The following LRP2 variants were observed in gnomAD, a reference collection of about 807,000 sequenced individuals.
The protein encoded by LRP2 is low-density lipoprotein receptor-related protein 2.
In LRP2, 172 loss-of-function variants were observed where a neutral mutation model predicts 531.0. The ratio of observed to expected loss-of-function variants is 0.32; its 90% confidence interval spans 0.29 to 0.37. LRP2 has a LOEUF of 0.37. Ranked by LOEUF, LRP2 falls within the 10% of genes least tolerant of loss-of-function variation. LRP2 has a pLI of 1.00. For missense variants in LRP2, 5,167 were observed against 5,868.3 expected (o/e 0.88, Z 3.90); for synonymous variants, 1,992 against 2,027.6 (o/e 0.98, Z 0.47).
intron 63 of LRP2, 34 bp downstream of exon 63, chr2:169,162,438 C>T: frequency 6.2e-7 from 1 of 1,612,720 alleles, no homozygotes; most frequent in Non-Finnish European, 8.5e-7. Flanking sequence ...ACCTGAGTTA[C>T]TACAATGAAC....
intron 16 of LRP2, among the ~76,000 whole-genome samples, chr2:169,260,474 T>A (rs533026973): frequency 4.5e-4 from 68 of 152,172 alleles, no homozygotes; most frequent in Admixed American, 1.1e-3. Context: ...GGGTGAGTGG[T>A]CATGCCCTTC....
At chr2:169,237,520 T>G (rs977607564) in intron 27 of LRP2, among the ~76,000 whole-genome samples, 2 of 152,230 alleles carry the variant, frequency 1.3e-5, no homozygotes, top group Admixed American at 1.3e-4. Context: ...ATTGTTTGGT[T>G]AGTGCATAGT....
At chr2:169,302,336 C>G (rs1684304697) in intron 4 of LRP2, among the ~76,000 whole-genome samples, 1 of 152,128 alleles carries the variant, frequency 6.6e-6, no homozygotes, top group South Asian at 2.1e-4. Context: ...TCCTGTGTCT[C>G]CTAATGAAAA....
At position 169,271,018 on chromosome 2, in the gene LRP2, C is replaced by T. The variant is rs1230847039; in HGVS notation, c.2206G>A (p.Val736Ile). Residue 736 changes from valine to isoleucine, a missense_variant, in exon 16 of 79, where the codon GTT becomes ATT. By Grantham distance (29) the Val-to-Ile change is conservative. Around this residue, in one of 6 missense-constraint regions of LRP2, gnomAD observed 2,811 missense variants for 3,058.0 expected, o/e 0.92. Coordinates refer to ENST00000649046, the MANE Select transcript of LRP2 (RefSeq NM_004525.3). ...LSTQEDVMVP[V>I]SGNPSFFVGI... ...ACAAAGAAAGAAGGATTCCCCGAAACTGGAACCATGACATCTTCCTGGGTA... is the reference window on the plus strand; with the variant it reads ...ACAAAGAAAGAAGGATTCCCCGAAATTGGAACCATGACATCTTCCTGGGTA... 2 of 1,613,286 alleles carry T rather than the reference C, an allele frequency of 1.2e-6. No individual in the cohort carries two copies. The highest frequency in any genetic ancestry group is 1.7e-6 in the Non-Finnish European group (2 of 1,179,560).
chr2:169,308,688 T>C (rs1055676045), intron 3 of LRP2, among the ~76,000 whole-genome samples: 2 of 152,234 alleles, frequency 1.3e-5, no homozygotes, highest in African/African-American at 4.8e-5. Flanking sequence ...AACATATGTG[T>C]GCATGTGTCT....
chr2:169,212,112 C>T lies in LRP2; in HGVS notation c.6136G>A (p.Ala2046Thr). The T allele has an allele frequency of 3.1e-6, 5 of 1,614,024 alleles. No homozygotes were observed. Among genetic ancestry groups the T allele is most frequent in the Non-Finnish European group, 4.2e-6 (5 of 1,179,942 alleles). ...VPGGLFSCACATGFKLNPDNR... is the reference protein window; with the variant it reads ...VPGGLFSCACTTGFKLNPDNR... ...TCAGGATTGAGTTTAAATCCAGTGG[C>T]ACAGGCGCAGGAAAACAATCCTCCT... The change falls in exon 37 of 79, where the codon GCC (alanine) becomes ACC (threonine). Residue 2046 changes from alanine (A) to threonine (T), a missense_variant. By Grantham distance (58) the Ala-to-Thr change is moderately conservative. Coordinates refer to ENST00000649046, the MANE Select transcript of LRP2 (RefSeq NM_004525.3).
At chr2:169,223,687 T>C (rs1689096091) in intron 33 of LRP2, among the ~76,000 whole-genome samples, 1 of 152,306 alleles carries the variant, frequency 6.6e-6, no homozygotes, top group South Asian at 2.1e-4. Flanking sequence ...AGACATCTTC[T>C]TAGCTTCTGT....
intron 12 of LRP2, among the ~76,000 whole-genome samples, chr2:169,278,500 T>C (rs1683616372): frequency 6.6e-6 from 1 of 152,078 alleles, no homozygotes; most frequent in South Asian, 2.1e-4. Context: ...AAAAAATTCA[T>C]ATTCACCTTC....
chr2:169,176,407 T>C lies in LRP2; in HGVS notation c.10571+4A>G, dbSNP rs755936504. On this transcript the variant is annotated splice_donor_region_variant and intron_variant, in intron 54 of 78. Coordinates refer to ENST00000649046, the MANE Select transcript of LRP2 (RefSeq NM_004525.3). ...CACTGAGGAGAGGGGAAAGAGAGCC[T>C]TACTTTTCATTGTTAGCGCACAGGA... The C allele has an allele frequency of 6.2e-7, 1 of 1,614,166 alleles. No individual in the cohort carries two copies. Among genetic ancestry groups the C allele is most frequent in the Non-Finnish European group, 8.5e-7 (1 of 1,180,030 alleles).
chr2:169,146,920 G>A lies in LRP2; in HGVS notation c.12630C>T (p.Ile4210=), dbSNP rs765372455. The A allele has an allele frequency of 1.3e-5, 21 of 1,613,946 alleles. No homozygotes were observed. Among genetic ancestry groups the A allele is most frequent in the Non-Finnish European group, 1.4e-5 (17 of 1,179,948 alleles). ...FWTDWGKEPK[I]ESAWMNGEDR... Reference sequence around the variant, plus strand: ...CCTCTCCATTCATCCAGGCAGACTCGATTTTAGGTTCCTTTCCCCAGTCAG... The same window carrying A: ...CCTCTCCATTCATCCAGGCAGACTCAATTTTAGGTTCCTTTCCCCAGTCAG... Residue 4210 remains isoleucine, a synonymous_variant, in exon 69 of 79, where the codon ATC becomes ATT. Coordinates refer to ENST00000649046, the MANE Select transcript of LRP2 (RefSeq NM_004525.3).
chr2:169,294,847 T>C, intron 4 of LRP2, 137 bp from the exon 5 acceptor site: 1 of 642,610 alleles, frequency 1.6e-6, no homozygotes, highest in Non-Finnish European at 2.7e-6. Context: ...AAAAGAAGTA[T>C]GCTCCCTGGC....
At chr2:169,360,971 C>T (rs1033169437) in intron 1 of LRP2, among the ~76,000 whole-genome samples, 16 of 152,226 alleles carry the variant, frequency 1.1e-4, no homozygotes, top group Admixed American at 8.5e-4. Context: ...CCTCACTCCT[C>T]CGTAAATGGG....
At chr2:169,328,202 C>T (rs1370342681) in intron 1 of LRP2, among the ~76,000 whole-genome samples, 2 of 120,558 alleles carry the variant, frequency 1.7e-5, no homozygotes, top group South Asian at 2.7e-4. Context: ...GGGGTCAGCG[C>T]CCCGCCCGGC....
At chr2:169,137,033 T>C (rs565599673) in intron 76 of LRP2, among the ~76,000 whole-genome samples, 4 of 152,360 alleles carry the variant, frequency 2.6e-5, no homozygotes, top group South Asian at 2.1e-4. Context: ...TCTCCACTCA[T>C]TCATTTCACA....
intron 1 of LRP2, among the ~76,000 whole-genome samples, chr2:169,347,299 T>G (rs557313476): frequency 6.6e-6 from 1 of 152,332 alleles, no homozygotes; most frequent in East Asian, 1.9e-4. Context: ...TAGTGAGAGA[T>G]ACTTTGGGAC....
rs144184057 is a variant in LRP2, at chr2:169,280,362, G to T, written c.1329C>A (p.Thr443=). The change falls in exon 11 of 79, where the codon ACC becomes ACA. Residue 443 remains threonine (T), a synonymous_variant. Transcript: ENST00000649046. ...AATTTCTATTTACCTTATTTTGCAC[G>T]GTGTCTGTCCAAAAAACTCTTTGCA... is the stretch of plus-strand genomic sequence containing the variant. The part of the protein sequence containing the change: ...YHLQRVFWTD[T]VQNKVFSVDI... The T allele has an allele frequency of 6.2e-7, 1 of 1,613,984 alleles. No homozygotes were observed. The highest frequency in any genetic ancestry group is 8.5e-7 in the Non-Finnish European group (1 of 1,179,992).
chr2:169,162,658 C>T, intron 62 of LRP2, 58 bp from the exon 63 acceptor site: 1 of 1,539,146 alleles, frequency 6.5e-7, no homozygotes, highest in South Asian at 1.1e-5. Context: ...CAAGATACTT[C>T]CTTCTTTGAC....
At chr2:169,285,045 A>C (rs112348713) in intron 9 of LRP2, among the ~76,000 whole-genome samples, 6,941 of 152,120 alleles carry the variant, frequency 0.046, 254 homozygotes, top group African/African-American at 0.11. Context: ...ACAGTGGCTC[A>C]CGCCTATAAT....
chr2:169,200,415 C>G (rs1688165863), intron 44 of LRP2, among the ~76,000 whole-genome samples: 1 of 152,006 alleles, frequency 6.6e-6, no homozygotes, highest in Non-Finnish European at 1.5e-5. Context: ...GTGGCTAATT[C>G]CAGGACTGGG....
Sources: allele counts gnomAD v4.1 joint callset (sites outside exome capture counted in the v4.1 genomes callset), GRCh38; gene constraint gnomAD v4.1.1; regional missense constraint gnomAD v4.1.1; transcripts MANE v1.5; gene names NCBI Gene and HGNC (gene_info 2026-07-23, HGNC 2026-07-21).